Variants in BCAS4 observed in about 807,000 individuals in gnomAD.
BCAS4 encodes breast carcinoma-amplified sequence 4.
BCAS4 carries 9 observed loss-of-function variants against 15.7 expected under a neutral mutation model. That is an observed-to-expected ratio of 0.57 (90% CI 0.34 to 1.00). BCAS4 has a LOEUF of 1.00. BCAS4 is among the 50% of genes least tolerant of loss of function. The probability of loss-of-function intolerance (pLI) is 0.02; values close to 1 mark genes in which losing one functional copy is unlikely to be tolerated. For missense variants in BCAS4, 225 were observed against 239.1 expected (o/e 0.94, Z 0.39); for synonymous variants, 101 against 99.5 (o/e 1.02, Z -0.09).
In BCAS4 at chr20:50,841,763, C is replaced by G; in HGVS notation, c.265-3C>G. 1 of 1,613,994 alleles carries G rather than the reference C, an allele frequency of 6.2e-7. No homozygotes were observed. The highest frequency in any genetic ancestry group is 8.5e-7 in the Non-Finnish European group (1 of 1,180,014). ...GGCATCATGGCTTCTCCGTGTCCCT[C>G]AGGCCTTCGTCAAGATGGTTGGACA... On this transcript the variant is annotated splice_region_variant and splice_polypyrimidine_tract_variant and intron_variant, in intron 3 of 4. Transcript: ENST00000371608.
chr20:50,815,692 C>G (rs546034927), intron 1 of BCAS4, among the ~76,000 whole-genome samples: 3 of 152,210 alleles, frequency 2.0e-5, no homozygotes, highest in Non-Finnish European at 4.4e-5. Context: ...TATTTATACT[C>G]CAGCCTGAAA....
chr20:50,836,058 C>T (rs1286144671), intron 3 of BCAS4, among the ~76,000 whole-genome samples: 1 of 152,018 alleles, frequency 6.6e-6, no homozygotes, highest in African/African-American at 2.4e-5. Flanking sequence ...GCTGGGATTA[C>T]AGGCGCGTGC....
At chr20:50,799,272 C>T (rs1044657626) in intron 1 of BCAS4, among the ~76,000 whole-genome samples, 11 of 152,174 alleles carry the variant, frequency 7.2e-5, no homozygotes, top group South Asian at 2.1e-4. Context: ...AACTCAGTCA[C>T]GGGTTTGCTT....
intron 1 of BCAS4, among the ~76,000 whole-genome samples, chr20:50,815,525 C>G (rs113802390): frequency 6.6e-6 from 1 of 152,110 alleles, no homozygotes; most frequent in Non-Finnish European, 1.5e-5. Flanking sequence ...TCCCTTAGTG[C>G]GATAATGACA....
At chr20:50,814,123 C>T (rs1010720179) in intron 1 of BCAS4, among the ~76,000 whole-genome samples, 2 of 152,096 alleles carry the variant, frequency 1.3e-5, no homozygotes, top group Non-Finnish European at 2.9e-5. Context: ...TCCTGTTGGT[C>T]GGGAATGTCT....
chr20:50,821,145 C>G (rs999591917), intron 2 of BCAS4, among the ~76,000 whole-genome samples: 4 of 152,160 alleles, frequency 2.6e-5, no homozygotes, highest in Non-Finnish European at 4.4e-5. Flanking sequence ...ACAGCCGCCA[C>G]GTGCTTGTGT....
At chr20:50,820,164 A>C (rs2088196228) in intron 2 of BCAS4, among the ~76,000 whole-genome samples, 2 of 152,168 alleles carry the variant, frequency 1.3e-5, no homozygotes, top group Admixed American at 6.6e-5. Flanking sequence ...GCACTTTCTC[A>C]TGAATGGGCC....
chr20:50,799,707 C>T (rs1293207500), intron 1 of BCAS4, among the ~76,000 whole-genome samples: 2 of 152,164 alleles, frequency 1.3e-5, no homozygotes, highest in South Asian at 2.1e-4. Context: ...GAGCTGGGGA[C>T]GCCACAGGCA....
In BCAS4 at chr20:50,836,157, C is replaced by T. The variant is rs571628166; in HGVS notation, c.265-5609C>T. ...GGTCCCGAACTCCTGACCTCGTGAT[C>T]TGCCCGCTTCAGCCTCCCAAAGTGG... is the stretch of plus-strand genomic sequence containing the variant. On this transcript the variant is annotated intron_variant, in intron 3 of 4. Transcript: ENST00000371608. 5.3e-5 allele frequency among the ~76,000 whole-genome samples: 8 copies of T among 152,282 alleles called. No homozygotes were observed. The South Asian group carries it at 1.7e-3, about 32-fold the overall frequency.
rs766733578 is a variant in BCAS4, at chr20:50,834,175, G to A, written c.264+3795G>A. ...AGGGATTGCAGCTGCTGTAACCCCC[G>A]CTCCCCACAAAGAAGAAAGTCTACA... is the stretch of plus-strand genomic sequence containing the variant. On this transcript the variant is annotated intron_variant, in intron 3 of 4. Transcript: ENST00000371608. 4.0e-5 allele frequency among the ~76,000 whole-genome samples: 6 copies of A among 151,868 alleles called. No homozygotes were observed. In the South Asian group the frequency reaches 1.0e-3, roughly 26 times the overall value.
At chr20:50,808,844 C>G (rs1005596652) in intron 1 of BCAS4, among the ~76,000 whole-genome samples, 3 of 152,024 alleles carry the variant, frequency 2.0e-5, no homozygotes, top group Admixed American at 6.6e-5. Context: ...AGTTTAAGTC[C>G]CACCTATTTA....
intron 1 of BCAS4, among the ~76,000 whole-genome samples, chr20:50,811,732 C>T (rs1385595073): frequency 6.6e-6 from 1 of 152,212 alleles, no homozygotes; most frequent in African/African-American, 2.4e-5. Context: ...AAGCGATTCT[C>T]ATGCCTCAGC....
chr20:50,879,641 C>A (rs12480447), downstream of BCAS4: 1 of 152,076 alleles, frequency 6.6e-6, no homozygotes, highest in Non-Finnish European at 1.5e-5. Context: ...TCCTCCCAGC[C>A]CCTGAAACAG....
intron 2 of BCAS4, among the ~76,000 whole-genome samples, chr20:50,829,328 C>T (rs190216970): frequency 1.6e-4 from 24 of 152,190 alleles, no homozygotes; most frequent in East Asian, 7.7e-4. Flanking sequence ...CTGCAACCTC[C>T]GCCTCCCGGG....
At chr20:50,850,790 C>G (rs557919551) in intron 4 of BCAS4, among the ~76,000 whole-genome samples, 3 of 152,288 alleles carry the variant, frequency 2.0e-5, no homozygotes, top group Admixed American at 1.3e-4. Flanking sequence ...GAGTCTCCCC[C>G]CCGGTAGAGC....
chr20:50,837,771 G>A (rs1398969866), intron 3 of BCAS4, among the ~76,000 whole-genome samples: 6 of 152,228 alleles, frequency 3.9e-5, no homozygotes, highest in Admixed American at 6.5e-5. Context: ...GACATCGCGA[G>A]TACACATTCC....
intron 4 of BCAS4, chr20:50,876,170 CA>C (rs1462474139): frequency 2.6e-6 from 1 of 390,332 alleles, no homozygotes; most frequent in Non-Finnish European, 5.0e-6. Context: ...AGGCTGGCCT[CA>C]AACTCTTGAC....
chr20:50,880,967 C>T (rs1312283692), downstream of BCAS4: 3 of 152,156 alleles, frequency 2.0e-5, no homozygotes, highest in Admixed American at 6.6e-5. Context: ...GGTGCAGTGG[C>T]TCACACCTGA....
chr20:50,829,656 G>T (rs1215007632), intron 2 of BCAS4, among the ~76,000 whole-genome samples: 1 of 151,990 alleles, frequency 6.6e-6, no homozygotes, highest in Non-Finnish European at 1.5e-5. Flanking sequence ...AGTTAGGCTT[G>T]GTCCTTGGGT....
Sources: allele counts gnomAD v4.1 joint callset (sites outside exome capture counted in the v4.1 genomes callset), GRCh38; gene constraint gnomAD v4.1.1; transcripts MANE v1.5; gene names NCBI Gene and HGNC (gene_info 2026-07-23, HGNC 2026-07-21).